PTPRT: variants seen among roughly 807,000 people sequenced by gnomAD.
PTPRT encodes receptor-type tyrosine-protein phosphatase T.
PTPRT carries 56 observed loss-of-function variants against 176.8 expected under a neutral mutation model. The ratio of observed to expected loss-of-function variants is 0.32; its 90% CI spans 0.26 to 0.40. PTPRT has a LOEUF of 0.40. PTPRT is among the 10% of genes least tolerant of loss of function. PTPRT has a pLI of 1.00. For missense variants in PTPRT, 1,540 were observed against 1,908.2 expected (o/e 0.81, Z 3.60); for synonymous variants, 783 against 739.0 (o/e 1.06, Z -0.96).
chr20:42,679,718 T>C (rs1377054116), intron 6 of PTPRT, among the ~76,000 whole-genome samples: 2 of 152,182 alleles, frequency 1.3e-5, no homozygotes, highest in South Asian at 2.1e-4. Flanking sequence ...TGTAAGGATT[T>C]TTTTTTTCAT....
intron 7 of PTPRT, among the ~76,000 whole-genome samples, chr20:42,519,218 G>T (rs1254331293): frequency 2.0e-5 from 3 of 152,094 alleles, no homozygotes; most frequent in Non-Finnish European, 4.4e-5. Context: ...TATATAAATA[G>T]AATCATACAG....
intron 9 of PTPRT, among the ~76,000 whole-genome samples, chr20:42,388,506 C>T (rs558642808): frequency 6.6e-6 from 1 of 152,208 alleles, no homozygotes; most frequent in African/African-American, 2.4e-5. Context: ...ATTTATGCAG[C>T]CAACAGGCAC....
At chr20:42,188,199 G>A (rs1321669449) in intron 16 of PTPRT, among the ~76,000 whole-genome samples, 1 of 152,154 alleles carries the variant, frequency 6.6e-6, no homozygotes, top group African/African-American at 2.4e-5. Flanking sequence ...TACCTAGAGT[G>A]AGTATGAGCA....
intron 6 of PTPRT, among the ~76,000 whole-genome samples, chr20:42,732,400 C>G (rs116409119): frequency 1.3e-5 from 2 of 152,100 alleles, no homozygotes; most frequent in East Asian, 3.9e-4. Flanking sequence ...ATACTACTCA[C>G]GCAATAAATA....
chr20:42,871,085 G>A (rs2078838225), intron 2 of PTPRT, among the ~76,000 whole-genome samples: 2 of 151,454 alleles, frequency 1.3e-5, no homozygotes. Flanking sequence ...TGAGTAGCTG[G>A]GATTACAGAC....
intron 7 of PTPRT, among the ~76,000 whole-genome samples, chr20:42,480,653 C>A (rs1352343426): frequency 6.6e-6 from 1 of 152,088 alleles, no homozygotes; most frequent in Non-Finnish European, 1.5e-5. Context: ...AAGTCTTTTG[C>A]AGGGGAAGTA....
chr20:42,109,511 G>A (rs531815947), intron 23 of PTPRT, among the ~76,000 whole-genome samples: 218 of 152,284 alleles, frequency 1.4e-3, no homozygotes, highest in African/African-American at 5.1e-3. Flanking sequence ...GGTAAAACCT[G>A]GTGCTGTCCA....
intron 15 of PTPRT, among the ~76,000 whole-genome samples, chr20:42,230,859 C>T (rs556666852): frequency 1.6e-4 from 24 of 152,238 alleles, no homozygotes; most frequent in Middle Eastern, 3.2e-3. Flanking sequence ...TTATCTTTAA[C>T]TATCCTGTGT....
At chr20:42,919,545 C>T (rs1335273847) in intron 1 of PTPRT, among the ~76,000 whole-genome samples, 5 of 151,422 alleles carry the variant, frequency 3.3e-5, no homozygotes, top group South Asian at 4.2e-4. Context: ...TATGTGATTC[C>T]GACCTGGCAA....
chr20:42,773,119 A>G (rs2077086963), intron 4 of PTPRT, among the ~76,000 whole-genome samples: 2 of 152,214 alleles, frequency 1.3e-5, no homozygotes, highest in Admixed American at 6.5e-5. Flanking sequence ...AGGGGCTCCC[A>G]GTCAGGGCTG....
At chr20:42,545,147 C>A (rs2072652113) in intron 7 of PTPRT, among the ~76,000 whole-genome samples, 1 of 152,216 alleles carries the variant, frequency 6.6e-6, no homozygotes, top group Non-Finnish European at 1.5e-5. Flanking sequence ...ATCCTCAGAC[C>A]AGGCCCCGTT....
intron 8 of PTPRT, among the ~76,000 whole-genome samples, chr20:42,465,955 GTGC>G (rs1381629958): frequency 6.6e-6 from 1 of 152,054 alleles, no homozygotes; most frequent in Non-Finnish European, 1.5e-5. Context: ...GCCCCAGGGT[GTGC>G]TGTTCCCCTC....
At chr20:42,597,888 T>C (rs2073701063) in intron 7 of PTPRT, among the ~76,000 whole-genome samples, 1 of 152,208 alleles carries the variant, frequency 6.6e-6, no homozygotes. Flanking sequence ...GATCATCTTA[T>C]AATTCTGCCA....
intron 22 of PTPRT, among the ~76,000 whole-genome samples, chr20:42,110,963 T>C (rs1163199402): frequency 2.0e-5 from 3 of 152,242 alleles, no homozygotes; most frequent in African/African-American, 7.2e-5. Flanking sequence ...ATAGTCTGTG[T>C]GGCTTTCAAA....
chr20:42,493,679 A>G (rs1251888112), intron 7 of PTPRT, among the ~76,000 whole-genome samples: 1 of 152,140 alleles, frequency 6.6e-6, no homozygotes, highest in Non-Finnish European at 1.5e-5. Flanking sequence ...ACGTAGCCCC[A>G]CAACAGCTGT....
chr20:42,124,076 T>A (rs997759733), intron 19 of PTPRT, among the ~76,000 whole-genome samples: 3 of 152,068 alleles, frequency 2.0e-5, no homozygotes, highest in Admixed American at 6.5e-5. Context: ...AAAGAGACCC[T>A]CCTTGGCTTC....
chr20:43,010,970 A>G (rs902788488), intron 1 of PTPRT, among the ~76,000 whole-genome samples: 5 of 152,202 alleles, frequency 3.3e-5, no homozygotes, highest in African/African-American at 1.2e-4. Context: ...AGCAGAGACA[A>G]GAATCAAGGT....
At chr20:42,065,844 T>G in the PTPRT span, among the ~76,000 whole-genome samples, 1 of 152,148 alleles carries the variant, frequency 6.6e-6, no homozygotes. Context: ...TTTTAACTTC[T>G]TATGCTAACA....
At chr20:42,284,157 C>A (rs1182773822) in intron 12 of PTPRT, among the ~76,000 whole-genome samples, 3 of 152,010 alleles carry the variant, frequency 2.0e-5, no homozygotes, top group Non-Finnish European at 4.4e-5. Flanking sequence ...GACTAGAACA[C>A]AAAACAGCAG....
Sources: allele counts gnomAD v4.1 joint callset (sites outside exome capture counted in the v4.1 genomes callset), GRCh38; gene constraint gnomAD v4.1.1; transcripts MANE v1.5; gene names NCBI Gene and HGNC (gene_info 2026-07-23, HGNC 2026-07-21).